The following CSMD3 variants were observed in gnomAD, a reference collection of about 807,000 sequenced individuals.
CSMD3 encodes CUB and sushi domain-containing protein 3.
CSMD3 carries 177 observed loss-of-function variants against 435.2 expected under a neutral mutation model. The observed-to-expected ratio is 0.41, with a 90% CI of 0.36 to 0.46. The LOEUF (loss-of-function observed/expected upper bound fraction) is 0.46. Among genes scored for constraint, CSMD3 ranks in the 20% least tolerant of loss-of-function variants. The pLI is 0.34. For synonymous variants in CSMD3, 1,656 were observed against 1,520.5 expected, an observed-to-expected ratio of 1.09 and a Z score of -2.07; for missense variants, 4,265 against 4,504.6, an observed-to-expected ratio of 0.95 and a Z score of 1.52.
chr8:113,289,679 T>C, intron 2 of CSMD3, among the ~76,000 whole-genome samples: 1 of 151,666 alleles, frequency 6.6e-6, no homozygotes, highest in East Asian at 1.9e-4. Flanking sequence ...TTTGGTGCAT[T>C]TCAAAGATAT....
chr8:112,757,829 G>A (rs556088207), intron 13 of CSMD3, among the ~76,000 whole-genome samples: 3 of 151,332 alleles, frequency 2.0e-5, no homozygotes, highest in Non-Finnish European at 3.0e-5. Flanking sequence ...TGAGGCAGGA[G>A]GATTGCTTGA....
At chr8:112,592,556 G>T (rs1045585184) in intron 22 of CSMD3, among the ~76,000 whole-genome samples, 3 of 151,742 alleles carry the variant, frequency 2.0e-5, no homozygotes, top group African/African-American at 7.3e-5. Flanking sequence ...CAGAATTAGG[G>T]TAATCTTTAT....
chr8:113,118,043 C>T (rs919452734), intron 4 of CSMD3, among the ~76,000 whole-genome samples: 3 of 152,066 alleles, frequency 2.0e-5, no homozygotes, highest in South Asian at 2.1e-4. Context: ...GTTGTAGCTT[C>T]GTCCCCAAGT....
chr8:113,361,803 T>C (rs1008605056), intron 1 of CSMD3, among the ~76,000 whole-genome samples: 1 of 152,114 alleles, frequency 6.6e-6, no homozygotes, highest in Non-Finnish European at 1.5e-5. Context: ...ATAATATAAA[T>C]CATATGGGCA....
chr8:113,135,456 T>C (rs2091394351), intron 4 of CSMD3, among the ~76,000 whole-genome samples: 1 of 151,794 alleles, frequency 6.6e-6, no homozygotes, highest in Admixed American at 6.6e-5. Context: ...TACATATGAG[T>C]TGACTGCATG....
chr8:112,867,434 A>C (rs1290081437), intron 10 of CSMD3, among the ~76,000 whole-genome samples: 1 of 152,134 alleles, frequency 6.6e-6, no homozygotes, highest in African/African-American at 2.4e-5. Context: ...TTAATGATGG[A>C]GGTACATTCT....
intron 13 of CSMD3, among the ~76,000 whole-genome samples, chr8:112,727,435 A>G (rs1037626948): frequency 2.0e-5 from 3 of 151,884 alleles, no homozygotes; most frequent in Admixed American, 6.6e-5. Flanking sequence ...TGAACAAGAT[A>G]TTTTCTGTTG....
At chr8:113,065,511 C>A (rs542376184) in intron 5 of CSMD3, among the ~76,000 whole-genome samples, 89 of 152,166 alleles carry the variant, frequency 5.8e-4, no homozygotes, top group African/African-American at 2.1e-3. Context: ...CTCAGCCTCC[C>A]GAGTAGCTGG....
intron 27 of CSMD3, among the ~76,000 whole-genome samples, chr8:112,544,090 T>G (rs1343393408): frequency 6.6e-6 from 1 of 152,160 alleles, no homozygotes; most frequent in East Asian, 1.9e-4. Flanking sequence ...TGAGAGTTAC[T>G]AATCAACTGG....
intron 41 of CSMD3, among the ~76,000 whole-genome samples, chr8:112,343,330 T>C (rs1312441218): frequency 6.6e-6 from 1 of 152,050 alleles, no homozygotes; most frequent in African/African-American, 2.4e-5. Flanking sequence ...TTCAAATCTG[T>C]TGTTCATTTA....
intron 1 of CSMD3, among the ~76,000 whole-genome samples, chr8:113,319,994 G>T (rs769159307): frequency 6.6e-6 from 1 of 152,024 alleles, no homozygotes; most frequent in Non-Finnish European, 1.5e-5. Context: ...CAGGTAAAAT[G>T]ATATAAAGAA....
At chr8:112,366,037 A>G (rs1229427463) in intron 38 of CSMD3, among the ~76,000 whole-genome samples, 1 of 152,204 alleles carries the variant, frequency 6.6e-6, no homozygotes, top group East Asian at 1.9e-4. Flanking sequence ...TTCTTTGAAG[A>G]ACTATAACAG....
intron 9 of CSMD3, among the ~76,000 whole-genome samples, chr8:112,946,659 A>C (rs1261310725): frequency 2.0e-5 from 3 of 151,804 alleles, no homozygotes; most frequent in Non-Finnish European, 4.4e-5. Flanking sequence ...TGAAAGATTT[A>C]GTTGATTTTA....
intron 9 of CSMD3, among the ~76,000 whole-genome samples, chr8:112,946,817 T>C (rs1404354558): frequency 6.6e-6 from 1 of 151,662 alleles, no homozygotes; most frequent in Non-Finnish European, 1.5e-5. Context: ...CAATTGTGTT[T>C]GTGTGGAAAT....
intron 1 of CSMD3, among the ~76,000 whole-genome samples, chr8:113,352,427 G>A (rs535134401): frequency 1.3e-5 from 2 of 152,086 alleles, no homozygotes; most frequent in East Asian, 1.9e-4. Flanking sequence ...GAAGGAGCAC[G>A]CCCTTGCTAA....
At chr8:112,441,108 A>T (rs1814961183) in intron 32 of CSMD3, among the ~76,000 whole-genome samples, 1 of 152,134 alleles carries the variant, frequency 6.6e-6, no homozygotes, top group African/African-American at 2.4e-5. Flanking sequence ...CTTCCCCTTG[A>T]ATGCTTTGCT....
chr8:112,834,773 G>A (rs1403557646), intron 11 of CSMD3, among the ~76,000 whole-genome samples: 1 of 151,718 alleles, frequency 6.6e-6, no homozygotes, highest in East Asian at 1.9e-4. Flanking sequence ...TAGTAGGGCT[G>A]AAACATTTAG....
At chr8:112,589,209 C>T (rs774467988) in intron 22 of CSMD3, among the ~76,000 whole-genome samples, 1 of 152,088 alleles carries the variant, frequency 6.6e-6, no homozygotes. Context: ...ATTTACAATG[C>T]GATCCCAGTG....
At chr8:113,140,965 T>C (rs1241400311) in intron 4 of CSMD3, among the ~76,000 whole-genome samples, 1 of 150,682 alleles carries the variant, frequency 6.6e-6, no homozygotes, top group Non-Finnish European at 1.5e-5. Flanking sequence ...ATCAATAGCA[T>C]TGACCAAAAA....
Sources: allele counts gnomAD v4.1 joint callset (sites outside exome capture counted in the v4.1 genomes callset), GRCh38; gene constraint gnomAD v4.1.1; transcripts MANE v1.5; gene names NCBI Gene and HGNC (gene_info 2026-07-23, HGNC 2026-07-21).